KCNAB1: variants seen among roughly 807,000 people sequenced by gnomAD.
KCNAB1 encodes potassium voltage-gated channel subfamily A regulatory beta subunit 1, also known as voltage-gated potassium channel subunit beta-1.
KCNAB1 carries 35 observed loss-of-function variants against 64.6 expected under a neutral mutation model. The observed-to-expected ratio is 0.54, with a 90% CI of 0.41 to 0.72. The LOEUF is 0.72. KCNAB1 is among the 30% of genes least tolerant of loss of function. The pLI, the probability that KCNAB1 is intolerant of heterozygous loss-of-function variation, is 0.00. For synonymous variants in KCNAB1, 177 were observed against 183.8 expected (o/e 0.96, Z 0.30); for missense variants, 401 against 512.9 (o/e 0.78, Z 2.11).
At chr3:156,235,382 C>T (rs764445390) in intron 1 of KCNAB1, among the ~76,000 whole-genome samples, 1 of 152,212 alleles carries the variant, frequency 6.6e-6, no homozygotes, top group Non-Finnish European at 1.5e-5. Context: ...TATCTCCTGG[C>T]TATAGTCTCA....
chr3:156,513,022 C>T (rs1390441644), intron 8 of KCNAB1, among the ~76,000 whole-genome samples: 2 of 152,298 alleles, frequency 1.3e-5, no homozygotes, highest in Non-Finnish European at 2.9e-5. Flanking sequence ...ACCATCCTGG[C>T]TAACACGGTG....
At chr3:156,258,799 C>T (rs1016420495) in intron 1 of KCNAB1, among the ~76,000 whole-genome samples, 3 of 152,196 alleles carry the variant, frequency 2.0e-5, no homozygotes, top group Admixed American at 1.3e-4. Flanking sequence ...CTCTCCCCTT[C>T]CCCCACATGG....
chr3:156,150,537 C>T (rs894360462), intron 1 of KCNAB1, among the ~76,000 whole-genome samples: 1 of 152,032 alleles, frequency 6.6e-6, no homozygotes, highest in South Asian at 2.1e-4. Context: ...ACAGCGGTTT[C>T]GTCTGAAAAA....
intron 1 of KCNAB1, among the ~76,000 whole-genome samples, chr3:156,350,365 A>G (rs536892113): frequency 6.6e-6 from 1 of 152,314 alleles, no homozygotes; most frequent in African/African-American, 2.4e-5. Flanking sequence ...CCTGGACAAT[A>G]TAGTGAGACC....
At chr3:156,349,405 C>T (rs547697099) in intron 1 of KCNAB1, among the ~76,000 whole-genome samples, 1 of 152,280 alleles carries the variant, frequency 6.6e-6, no homozygotes, top group East Asian at 1.9e-4. Context: ...GTGTAAATAC[C>T]TGTCTGCTTC....
intron 1 of KCNAB1, among the ~76,000 whole-genome samples, chr3:156,256,863 G>A (rs996836357): frequency 8.4e-4 from 128 of 152,240 alleles, no homozygotes; most frequent in African/African-American, 3.0e-3. Flanking sequence ...AGGGAGTTGG[G>A]TATTTATTCT....
chr3:156,387,014 C>CTCTCTTTTT (rs60888308), intron 1 of KCNAB1, among the ~76,000 whole-genome samples: 1 of 90,526 alleles, frequency 1.1e-5, no homozygotes, highest in African/African-American at 5.4e-5. Context: ...TTCTCTCTCT[C>CTCTCTTTTT]TTTTTTTTTT....
intron 1 of KCNAB1, among the ~76,000 whole-genome samples, chr3:156,149,570 T>G (rs1715269016): frequency 6.6e-6 from 1 of 152,154 alleles, no homozygotes; most frequent in Non-Finnish European, 1.5e-5. Flanking sequence ...TCTGTCACAG[T>G]GCAAACATGA....
intron 8 of KCNAB1, among the ~76,000 whole-genome samples, chr3:156,507,220 T>C (rs1430822164): frequency 6.6e-6 from 1 of 152,210 alleles, no homozygotes; most frequent in Non-Finnish European, 1.5e-5. Flanking sequence ...GGGATTCAAA[T>C]ATTCCCACCT....
At chr3:156,449,525 T>C (rs1461120362) in intron 2 of KCNAB1, among the ~76,000 whole-genome samples, 3 of 152,252 alleles carry the variant, frequency 2.0e-5, no homozygotes, top group Admixed American at 6.5e-5. Context: ...AGACTTCAAA[T>C]AGACTTCAGT....
At chr3:156,263,978 T>G (rs1718561372) in intron 1 of KCNAB1, among the ~76,000 whole-genome samples, 1 of 152,114 alleles carries the variant, frequency 6.6e-6, no homozygotes. Flanking sequence ...AGGATCTGGT[T>G]GTTCTATCAG....
chr3:156,143,608 G>A (rs947023072), intron 1 of KCNAB1, among the ~76,000 whole-genome samples: 8 of 101,850 alleles, frequency 7.9e-5, no homozygotes, highest in African/African-American at 2.1e-4. Flanking sequence ...AGCTTTAAGC[G>A]TTCTCTTTTC....
At chr3:156,344,935 T>C (rs558494597) in intron 1 of KCNAB1, among the ~76,000 whole-genome samples, 40 of 152,270 alleles carry the variant, frequency 2.6e-4, no homozygotes, top group African/African-American at 8.7e-4. Flanking sequence ...ACATTCTAAA[T>C]AGGCAAAATA....
intron 1 of KCNAB1, among the ~76,000 whole-genome samples, chr3:156,322,586 T>C (rs985482829): frequency 6.6e-6 from 1 of 152,220 alleles, no homozygotes; most frequent in Admixed American, 6.5e-5. Flanking sequence ...GAGCTTCTTA[T>C]ATCCATTGTA....
chr3:156,292,221 T>C, intron 1 of KCNAB1: 12 of 1,381,176 alleles, frequency 8.7e-6, no homozygotes, highest in Non-Finnish European at 1.2e-5. Context: ...GATTTACTCA[T>C]CAGTGGGTTG....
intron 8 of KCNAB1, among the ~76,000 whole-genome samples, chr3:156,494,642 A>G (rs1715872752): frequency 9.9e-6 from 1 of 100,836 alleles, no homozygotes; most frequent in South Asian, 3.6e-4. Flanking sequence ...AGTAGGGAAA[A>G]GAGACTTCAC....
intron 1 of KCNAB1, among the ~76,000 whole-genome samples, chr3:156,242,870 C>A (rs1242550127): frequency 6.7e-6 from 1 of 150,226 alleles, no homozygotes; most frequent in East Asian, 1.9e-4. Context: ...GATGTCTGAT[C>A]ATCCTTGATG....
intron 2 of KCNAB1, among the ~76,000 whole-genome samples, chr3:156,443,739 TACAC>T (rs71141708): frequency 0.04 from 5,626 of 141,690 alleles, 127 homozygotes; most frequent in Middle Eastern, 0.05. Flanking sequence ...ATTTAGTCCT[TACAC>T]ACACACACAC....
At chr3:156,511,773 A>G (rs978602484) in intron 8 of KCNAB1, among the ~76,000 whole-genome samples, 1 of 152,204 alleles carries the variant, frequency 6.6e-6, no homozygotes, top group Non-Finnish European at 1.5e-5. Context: ...CTGTTCTGAA[A>G]TGCAAACTAT....
Sources: gnomAD v4.1 joint callset for allele counts (sites outside exome capture counted in the v4.1 genomes callset) on GRCh38, gnomAD v4.1.1 for gene constraint, MANE v1.5 for transcripts, NCBI Gene and HGNC (gene_info 2026-07-23, HGNC 2026-07-21) for gene names.